Variants in DDX1 observed in about 807,000 individuals in gnomAD.
The protein encoded by DDX1 is DEAD-box helicase 1.
In DDX1, 28 loss-of-function variants were observed where a neutral mutation model predicts 108.7. The ratio of observed to expected loss-of-function variants is 0.26; its 90% CI spans 0.19 to 0.35. The LOEUF is 0.35. DDX1 is among the 10% of genes least tolerant of loss of function. The probability of loss-of-function intolerance (pLI) is 1.00; values close to 1 mark genes in which losing one functional copy is unlikely to be tolerated. For synonymous variants in DDX1, 295 were observed against 288.9 expected, an observed-to-expected ratio of 1.02 and a Z score of -0.21; for missense variants, 710 against 884.5, an observed-to-expected ratio of 0.80 and a Z score of 2.50.
At chr2:15,613,821 A>G (rs566551007) in intron 14 of DDX1, among the ~76,000 whole-genome samples, 259 of 149,918 alleles carry the variant, frequency 1.7e-3, no homozygotes, top group African/African-American at 5.4e-3. Flanking sequence ...CTGTTGGAGA[A>G]GAAGTTTAGG....
At chr2:15,596,000 T>C (rs1158373203) in intron 3 of DDX1, among the ~76,000 whole-genome samples, 1 of 152,190 alleles carries the variant, frequency 6.6e-6, no homozygotes, top group Non-Finnish European at 1.5e-5. Context: ...TCTTCCTATT[T>C]CAGCCTCCCA....
intron 3 of DDX1, among the ~76,000 whole-genome samples, 170 bp from the exon 4 acceptor site, chr2:15,596,564 A>G (rs1422559835): frequency 6.6e-6 from 1 of 152,186 alleles, no homozygotes; most frequent in Non-Finnish European, 1.5e-5. Flanking sequence ...TGGGAAAGGT[A>G]ACAAGATGGG....
chr2:15,595,240 T>A, intron 2 of DDX1, 44 bp downstream of exon 2: 1 of 1,447,368 alleles, frequency 6.9e-7, no homozygotes, highest in Middle Eastern at 1.8e-4. Context: ...GGATGTTTTA[T>A]AATTTAAACA....
Position 15,630,848 on chromosome 2 carries a change from C to T in DDX1, c.2165C>T (p.Ala722Val), listed in dbSNP as rs556029393. Residue 722 changes from alanine (A) to valine (V), a missense_variant, in exon 26 of 26, where the codon GCG (alanine) becomes GTG (valine). Ala to Val is a moderately conservative substitution (Grantham distance 64). Transcript: ENST00000233084. ...VQELAALEKE[A>V]QTSFLHLGYL... ...GAGTTGGCTGCCCTTGAAAAGGAGG[C>T]GCAGACATCTTTCCTGCATCTTGGC... The T allele has an allele frequency of 2.2e-5, 36 of 1,613,858 alleles. No homozygotes were observed. The highest frequency in any genetic ancestry group is 1.3e-4 in the South Asian group (12 of 91,082).
chr2:15,592,228 G>A (rs1293135129), intron 1 of DDX1, among the ~76,000 whole-genome samples: 1 of 152,198 alleles, frequency 6.6e-6, no homozygotes, highest in Non-Finnish European at 1.5e-5. Context: ...TGCACCTTCG[G>A]CTGCAAAATC....
chr2:15,629,704 C>T lies in DDX1; in HGVS notation c.1971+7C>T, dbSNP rs375030076. 1 of 1,545,386 alleles carries T rather than the reference C, an allele frequency of 6.5e-7. No homozygotes were observed. Among genetic ancestry groups the T allele is most frequent in the Non-Finnish European group, 8.7e-7 (1 of 1,152,084 alleles). On this transcript the variant is annotated splice_region_variant and intron_variant, in intron 24 of 25. Transcript: ENST00000233084. ...ATGGTACAACGAGATGCAGGTAAGA[C>T]TTCGAGTTAGGCTCACAAATAATGT... is the stretch of plus-strand genomic sequence containing the variant.
chr2:15,597,069 C>CT (rs374834775), intron 4 of DDX1, among the ~76,000 whole-genome samples: 156 of 152,302 alleles, frequency 1.0e-3, no homozygotes, highest in African/African-American at 3.6e-3. Context: ...AGTTGATCTC[C>CT]TACTGGCCTG....
intron 1 of DDX1, among the ~76,000 whole-genome samples, chr2:15,594,460 C>T (rs113510837): frequency 0.014 from 2,136 of 152,164 alleles, 28 homozygotes; most frequent in Middle Eastern, 0.034. Context: ...TGACAAAACC[C>T]GGTTAGGAGC....
chr2:15,593,856 C>A (rs7577349), intron 1 of DDX1, among the ~76,000 whole-genome samples: 36,403 of 151,554 alleles, frequency 0.24, 5,382 homozygotes, highest in African/African-American at 0.42. Flanking sequence ...GTGGGCAGAT[C>A]ACGAGGTCAG....
chr2:15,612,900 G>T (rs1018606193), intron 13 of DDX1, among the ~76,000 whole-genome samples: 11 of 149,548 alleles, frequency 7.4e-5, no homozygotes, highest in African/African-American at 2.7e-4. Context: ...GCAGGCACTC[G>T]GCAAGCTGAG....
chr2:15,608,861 T>C (rs1665712468), intron 13 of DDX1, among the ~76,000 whole-genome samples: 1 of 152,156 alleles, frequency 6.6e-6, no homozygotes, highest in Non-Finnish European at 1.5e-5. Context: ...CTTTTTAATA[T>C]TGATCTTATT....
chr2:15,604,380 T>G, intron 9 of DDX1, 57 bp from the exon 10 acceptor site: 1 of 1,127,856 alleles, frequency 8.9e-7, no homozygotes, highest in Non-Finnish European at 1.3e-6. Flanking sequence ...AGCTATATTT[T>G]AACTTTATTT....
At position 15,602,558 on chromosome 2, in the gene DDX1, A is replaced by G. The variant is rs370665405; in HGVS notation, c.318A>G (p.Ser106=). The change falls in exon 7 of 26, where the codon TCA becomes TCG. Residue 106 remains serine (S), a synonymous_variant. Transcript: ENST00000233084. ...TCTTCTCAAATCCAGCAATTGGGTC[A>G]GATGGTCTTTGTTGTCAAAGCAGAG... ...YDRGSAFAIG[S]DGLCCQSREV... 84 of 1,613,354 alleles carry G rather than the reference A, an allele frequency of 5.2e-5. No individual in the cohort carries two copies. The highest frequency in any genetic ancestry group is 7.0e-5 in the Non-Finnish European group (83 of 1,179,352).
chr2:15,604,082 A>G (rs1665628380), intron 9 of DDX1, among the ~76,000 whole-genome samples, 192 bp downstream of exon 9: 1 of 152,162 alleles, frequency 6.6e-6, no homozygotes, highest in Admixed American at 6.5e-5. Flanking sequence ...AGTAGTTATA[A>G]TTTTTCTTTT....
At chr2:15,611,598 G>T (rs1665761852) in intron 13 of DDX1, among the ~76,000 whole-genome samples, 3 of 126,432 alleles carry the variant, frequency 2.4e-5, no homozygotes, top group African/African-American at 3.6e-5. Context: ...CGGGGCGGCT[G>T]GCCGGGCAGA....
chr2:15,605,969 A>C lies in DDX1; in HGVS notation c.645A>C (p.Ala215=). 6.3e-7 allele frequency: 1 copy of C among 1,577,916 alleles called. No individual in the cohort carries two copies. Among genetic ancestry groups the C allele is most frequent in the Non-Finnish European group, 8.6e-7 (1 of 1,166,732 alleles). The change falls in exon 11 of 26, where the codon GCA becomes GCC. Residue 215 remains alanine, a synonymous_variant. Coordinates refer to ENST00000233084, the MANE Select transcript of DDX1 (RefSeq NM_004939.3). ...TTTAAGGAAAAGATCTTGGTCTGGC[A>C]TTTGAAATACCACCACATATGAAAA... ...FSKNGKDLGL[A]FEIPPHMKNQ...
intron 14 of DDX1, among the ~76,000 whole-genome samples, chr2:15,615,683 G>A (rs1665882494): frequency 6.6e-6 from 1 of 152,154 alleles, no homozygotes. Flanking sequence ...TGAAGTAATG[G>A]AACTAGAGGA....
chr2:15,613,377 C>A, intron 14 of DDX1, 93 bp downstream of exon 14: 2 of 823,090 alleles, frequency 2.4e-6, no homozygotes, highest in Non-Finnish European at 3.8e-6. Flanking sequence ...TTAAGTGAGG[C>A]TGAAATTAGA....
At chr2:15,595,885 TTTTTTG>T (rs1219059840) in intron 3 of DDX1, among the ~76,000 whole-genome samples, 2 of 152,114 alleles carry the variant, frequency 1.3e-5, no homozygotes, top group Non-Finnish European at 2.9e-5. Flanking sequence ...AGATTTCTTT[TTTTTTG>T]TTTTTGTTTT....
Sources: allele counts gnomAD v4.1 joint callset (sites outside exome capture counted in the v4.1 genomes callset), GRCh38; gene constraint gnomAD v4.1.1; transcripts MANE v1.5; gene names NCBI Gene and HGNC (gene_info 2026-07-23, HGNC 2026-07-21).